The following ARAP2 variants were observed in gnomAD, a reference collection of about 807,000 sequenced individuals.
The protein encoded by ARAP2 is arf-GAP with Rho-GAP domain, ANK repeat and PH domain-containing protein 2.
A neutral mutation model predicts 194.5 loss-of-function variants in ARAP2; 148 were observed. The observed-to-expected ratio is 0.76, with a 90% CI of 0.67 to 0.87. ARAP2 has a LOEUF of 0.87. Among genes scored for constraint, ARAP2 ranks in the 40% least tolerant of loss-of-function variants. ARAP2 has a pLI of 0.00. For synonymous variants in ARAP2, 695 were observed against 683.5 expected (o/e 1.02, Z -0.26); for missense variants, 2,128 against 1,989.7 (o/e 1.07, Z -1.32).
chr4:36,214,421 C>T lies in ARAP2; in HGVS notation c.964+1G>A. On this transcript the variant is annotated splice_donor_variant, in intron 3 of 32. Transcript: ENST00000303965. LOFTEE classifies it high-confidence loss of function. ...AGGAGACATTAAACACATAGACTCA[C>T]TTTGCCATGCCACAGATTTTTCAGT... 6.3e-7 allele frequency: 1 copy of T among 1,595,294 alleles called. No homozygotes were observed. The highest frequency in any genetic ancestry group is 8.6e-7 in the Non-Finnish European group (1 of 1,168,736).
In ARAP2 at chr4:36,068,076, T is replaced by C. The variant is rs1047658549; in HGVS notation, c.4946A>G (p.Lys1649Arg). 8.7e-6 allele frequency: 14 copies of C among 1,614,032 alleles called. No homozygotes were observed. The highest frequency in any genetic ancestry group is 1.2e-5 in the Non-Finnish European group (14 of 1,180,012). ...CAATGTCTTTAGGCCTTTATGGCCTTTTGGTTGCCCAAGTGGGGCTTCAGG... is the reference window on the plus strand; with the variant it reads ...CAATGTCTTTAGGCCTTTATGGCCTCTTGGTTGCCCAAGTGGGGCTTCAGG... ...TEPEAPLGQP[K>R]GHKGLKTLRK... is the part of the protein sequence containing the mutation. Residue 1649 changes from lysine (K) to arginine (R), a missense_variant, in exon 33 of 33, where the codon AAA becomes AGA. Physicochemically the swap from Lys to Arg is conservative, Grantham distance 26 (BLOSUM62 2). Transcript: ENST00000303965.
At chr4:36,196,722 C>A (rs1444661460) in intron 6 of ARAP2, among the ~76,000 whole-genome samples, 1 of 151,944 alleles carries the variant, frequency 6.6e-6, no homozygotes, top group Non-Finnish European at 1.5e-5. Flanking sequence ...CTCCTACCAT[C>A]GAAAGTTGGC....
chr4:36,176,500 A>G (rs777404768), intron 9 of ARAP2, among the ~76,000 whole-genome samples: 1 of 152,168 alleles, frequency 6.6e-6, no homozygotes, highest in Non-Finnish European at 1.5e-5. Context: ...ATGCAAGTCT[A>G]TCAGGTCTTG....
intron 8 of ARAP2, among the ~76,000 whole-genome samples, chr4:36,186,313 C>T (rs1439671923): frequency 1.3e-5 from 2 of 152,150 alleles, no homozygotes; most frequent in Admixed American, 1.3e-4. Context: ...TCTGGCTCCT[C>T]CCCAACCCTT....
chr4:36,189,103 A>G (rs1398117815), intron 7 of ARAP2, among the ~76,000 whole-genome samples: 1 of 152,208 alleles, frequency 6.6e-6, no homozygotes, highest in Non-Finnish European at 1.5e-5. Context: ...TGAGTATGGC[A>G]AATGAGCTGT....
chr4:36,023,962 TAA>T (rs3055211), intron 5 of ARAP2, among the ~76,000 whole-genome samples: 119,858 of 151,120 alleles, frequency 0.79, 48,838 homozygotes, highest in Middle Eastern at 0.89. Flanking sequence ...ATTTAATCAA[TAA>T]AAAAAAAAAA....
chr4:36,114,429 A>G, intron 25 of ARAP2, 142 bp from the exon 26 acceptor site: 1 of 584,448 alleles, frequency 1.7e-6, no homozygotes, highest in Non-Finnish European at 3.0e-6. Flanking sequence ...CCCTAATCCC[A>G]TACAGAAAAC....
intron 5 of ARAP2, among the ~76,000 whole-genome samples, chr4:36,035,540 T>C (rs1345938261): frequency 6.6e-6 from 1 of 152,122 alleles, no homozygotes; most frequent in African/African-American, 2.4e-5. Flanking sequence ...AGTAATAAAA[T>C]TAAGTCAATT....
At position 36,210,399 on chromosome 4, in the gene ARAP2, G is replaced by A. The variant is rs761450295; in HGVS notation, c.1478C>T (p.Ser493Phe). ...ATGCATACGTACATACCCTTGAGGA[G>A]AGAGTTTATCCAGCCATCCTGATTT... ...KVKSGWLDKL[S>F]PQGKRMFQKR... The change falls in exon 6 of 33, where the codon TCT (serine) becomes TTT (phenylalanine). Residue 493 changes from serine to phenylalanine, a missense_variant. Physicochemically the swap from Ser to Phe is radical, Grantham distance 155 (BLOSUM62 -2). Transcript: ENST00000303965. The A allele has an allele frequency of 1.2e-6, 2 of 1,609,152 alleles. No homozygotes were observed.
chr4:36,038,176 C>G (rs1188026816), intron 5 of ARAP2, among the ~76,000 whole-genome samples: 2 of 152,148 alleles, frequency 1.3e-5, no homozygotes, highest in African/African-American at 4.8e-5. Context: ...ACAGCTTTAT[C>G]GTGAGGGCAA....
chr4:36,061,948 T>G (rs934966670), downstream of ARAP2, among the ~76,000 whole-genome samples: 1 of 152,230 alleles, frequency 6.6e-6, no homozygotes, highest in Non-Finnish European at 1.5e-5. Flanking sequence ...GTATGTCTTC[T>G]TTTAAGAAGG....
At chr4:36,112,692 TA>T (rs199627031) in intron 26 of ARAP2, among the ~76,000 whole-genome samples, 1,428 of 142,228 alleles carry the variant, frequency 0.01, 9 homozygotes, top group African/African-American at 0.02. Flanking sequence ...ATTAGAGATT[TA>T]AAAAAAAAAA....
intron 19 of ARAP2, among the ~76,000 whole-genome samples, chr4:36,134,214 T>C (rs891493865): frequency 6.6e-6 from 1 of 151,818 alleles, no homozygotes; most frequent in African/African-American, 2.4e-5. Context: ...GTATAAACTA[T>C]ACTACTAAAG....
At chr4:36,186,026 T>C (rs1740482174) in intron 8 of ARAP2, among the ~76,000 whole-genome samples, 1 of 151,816 alleles carries the variant, frequency 6.6e-6, no homozygotes, top group African/African-American at 2.4e-5. Context: ...CTTATGAGAC[T>C]GTTGTGAAAA....
intron 16 of ARAP2, 46 bp downstream of exon 16, chr4:36,150,854 A>C: frequency 6.4e-7 from 1 of 1,570,512 alleles, no homozygotes. Flanking sequence ...TGTTATAATT[A>C]TCTGAAAATA....
rs185018533 is a variant in ARAP2, at chr4:36,022,761, G to A, written n.608-3475C>T. ...TATCTTCAGACTAAAGGGTTCAGAA[G>A]GAGGAACGGATAACCCCTCCAAAAT... On this transcript the variant is annotated intron_variant and non_coding_transcript_variant, in intron 5 of 12. Transcript: ENST00000503225. Among the ~76,000 whole-genome samples the A allele has an allele frequency of 7.4e-3, 1,120 of 152,236 alleles. 14 individuals are homozygous for A. Among genetic ancestry groups the A allele is most frequent in the African/African-American group, 0.026 (1,079 of 41,540 alleles).
intron 21 of ARAP2, 104 bp from the exon 22 acceptor site, chr4:36,125,071 A>T (rs982093585): frequency 1.8e-5 from 12 of 680,152 alleles, no homozygotes; most frequent in African/African-American, 9.0e-5. Context: ...ATGCATTTTA[A>T]TAGGTGATAC....
chr4:36,159,344 A>T lies in ARAP2; in HGVS notation c.2604T>A (p.His868Gln), dbSNP rs1733370256. 4 of 1,601,886 alleles carry T rather than the reference A, an allele frequency of 2.5e-6. No individual in the cohort carries two copies. The highest frequency in any genetic ancestry group is 3.4e-6 in the Non-Finnish European group (4 of 1,172,828). ...GQSLQMEFLY[H>Q]NKFSDFPQHD... Reference sequence around the variant, plus strand: ...ACAGTGACGAACCTGAGAATTTGTTATGGTAGAGAAATTCCATTTGCAGAC... The same window carrying T: ...ACAGTGACGAACCTGAGAATTTGTTTTGGTAGAGAAATTCCATTTGCAGAC... The change falls in exon 14 of 33, where the codon CAT becomes CAA. Residue 868 changes from histidine (H) to glutamine (Q), a missense_variant. Transcript: ENST00000303965.
intron 19 of ARAP2, among the ~76,000 whole-genome samples, chr4:36,143,390 G>C (rs559302320): frequency 4.2e-4 from 63 of 151,630 alleles, no homozygotes; most frequent in African/African-American, 1.4e-3. Flanking sequence ...CAGACTCCTA[G>C]AACACTTGTT....
Sources: allele counts gnomAD v4.1 joint callset (sites outside exome capture counted in the v4.1 genomes callset), GRCh38; gene constraint gnomAD v4.1.1; transcripts MANE v1.5; gene names NCBI Gene and HGNC (gene_info 2026-07-23, HGNC 2026-07-21).